ZNF407: variants seen among roughly 807,000 people sequenced by gnomAD.
ZNF407 encodes the protein zinc finger protein 407.
A neutral mutation model predicts 131.2 loss-of-function variants in ZNF407; 17 were observed. That is an observed-to-expected ratio of 0.13 (90% confidence interval 0.09 to 0.19). The LOEUF (loss-of-function observed/expected upper bound fraction) is 0.19, where lower values mean the gene tolerates loss of function less well. ZNF407 is among the 10% of genes least tolerant of loss of function. ZNF407 has a pLI of 1.00. For synonymous variants in ZNF407, 1,156 were observed against 1,062.0 expected (o/e 1.09, Z -1.72); for missense variants, 2,681 against 2,830.6 (o/e 0.95, Z 1.20).
chr18:75,063,323 A>G lies in ZNF407; in HGVS notation c.5602A>G (p.Ile1868Val), dbSNP rs1973661053. 1 of 1,613,426 alleles carries G rather than the reference A, an allele frequency of 6.2e-7. No individual in the cohort carries two copies. Among genetic ancestry groups the G allele is most frequent in the Non-Finnish European group, 8.5e-7 (1 of 1,179,842 alleles). ...CCCTGAGCAGGTGCAGCAGGTCATC[A>G]TCTTCCAGGGCTACGACGGGGAGTT... Reference protein sequence around the residue: ...PPPEQVQQVIIFQGYDGEFAL... With the variant: ...PPPEQVQQVIVFQGYDGEFAL... The change falls in exon 9 of 9, where the codon ATC becomes GTC. Residue 1868 changes from isoleucine (I) to valine (V), a missense_variant. By Grantham distance (29) the Ile-to-Val change is conservative (BLOSUM62 3). Coordinates refer to ENST00000299687, the MANE Select transcript of ZNF407 (RefSeq NM_017757.3). The surrounding 1 kb of genome is among the most constrained non-coding windows in gnomAD (Gnocchi z 6.6).
chr18:74,915,145 G>A (rs1380964427), intron 7 of ZNF407, among the ~76,000 whole-genome samples: 1 of 152,194 alleles, frequency 6.6e-6, no homozygotes, highest in Non-Finnish European at 1.5e-5. Flanking sequence ...GGAGGTCCCA[G>A]GTGGCAGAAG....
chr18:74,803,426 C>T (rs1970055555), intron 4 of ZNF407, among the ~76,000 whole-genome samples: 1 of 152,114 alleles, frequency 6.6e-6, no homozygotes, highest in South Asian at 2.1e-4. Context: ...GAAGAAGGAC[C>T]TGGTTATCAA....
At chr18:74,927,418 A>ATAG (rs1162774602) in intron 8 of ZNF407, among the ~76,000 whole-genome samples, 1 of 152,248 alleles carries the variant, frequency 6.6e-6, no homozygotes, top group Non-Finnish European at 1.5e-5. Context: ...GTAGAATGAT[A>ATAG]TAGTATAATA....
At chr18:74,925,734 A>G (rs1307396809) in intron 8 of ZNF407, among the ~76,000 whole-genome samples, 1 of 152,214 alleles carries the variant, frequency 6.6e-6, no homozygotes, top group African/African-American at 2.4e-5. Context: ...ACAGCTTCTC[A>G]TTGGTTCTCC....
chr18:75,032,734 G>A (rs992651373), intron 8 of ZNF407, among the ~76,000 whole-genome samples: 1 of 150,248 alleles, frequency 6.7e-6, no homozygotes, highest in Non-Finnish European at 1.5e-5. Context: ...CTCGGAATGG[G>A]GGGAAGATAG....
chr18:75,027,988 G>A (rs897660173), intron 8 of ZNF407, among the ~76,000 whole-genome samples: 1 of 152,242 alleles, frequency 6.6e-6, no homozygotes. Context: ...GCACAAGGCA[G>A]TGGTAGCAGA....
intron 1 of ZNF407, among the ~76,000 whole-genome samples, chr18:74,616,537 C>T (rs1450101255): frequency 6.6e-6 from 1 of 151,788 alleles, no homozygotes; most frequent in Non-Finnish European, 1.5e-5. Context: ...CCCACTCCCT[C>T]CACCCCTGTA....
intron 8 of ZNF407, among the ~76,000 whole-genome samples, chr18:75,045,773 A>C (rs902603517): frequency 3.3e-5 from 5 of 152,152 alleles, no homozygotes; most frequent in Admixed American, 1.3e-4. Context: ...GTTTCGTGCT[A>C]TGAGGCTATG....
chr18:75,011,640 T>G (rs552304863), intron 8 of ZNF407, among the ~76,000 whole-genome samples: 2 of 152,280 alleles, frequency 1.3e-5, no homozygotes, highest in East Asian at 3.9e-4. Context: ...TTAATAAATT[T>G]TTGTTGAACA....
At chr18:74,828,245 C>G (rs1001615876) in intron 4 of ZNF407, among the ~76,000 whole-genome samples, 2 of 152,174 alleles carry the variant, frequency 1.3e-5, no homozygotes, top group Non-Finnish European at 2.9e-5. Flanking sequence ...GTAGGCATTC[C>G]TAATTTTCAT....
At chr18:74,712,246 C>T (rs1246186242) in intron 3 of ZNF407, among the ~76,000 whole-genome samples, 2 of 152,076 alleles carry the variant, frequency 1.3e-5, no homozygotes, top group Non-Finnish European at 2.9e-5. Flanking sequence ...CATGTCCTAG[C>T]GCCTATGTCT....
intron 8 of ZNF407, among the ~76,000 whole-genome samples, chr18:75,012,346 T>C (rs535831536): frequency 1.8e-4 from 19 of 105,772 alleles, no homozygotes; most frequent in African/African-American, 5.1e-4. Flanking sequence ...ACATAGTGTA[T>C]GTACACATAG....
chr18:75,064,266 A>T lies in ZNF407; in HGVS notation c.6545A>T (p.Glu2182Val), dbSNP rs1353916551. Residue 2182 changes from glutamate to valine, a missense_variant, in exon 9 of 9, where the codon GAG becomes GTG. Around this residue, in one of 6 missense-constraint regions of ZNF407, gnomAD observed 620 missense variants for 583.1 expected, o/e 1.06. Transcript: ENST00000299687. The stretch of plus-strand genomic sequence containing the variant: ...GAGCTGCCCCCAGGGGTGCAGGACG[A>T]GCCGGGCCTGTACTCCCACACCGTG... ...LTELPPGVQD[E>V]PGLYSHTVLE... The T allele has an allele frequency of 1.2e-6, 2 of 1,605,128 alleles. No homozygotes were observed. Among genetic ancestry groups the T allele is most frequent in the African/African-American group, 1.3e-5 (1 of 74,822 alleles).
At chr18:74,692,508 T>A (rs1044037796) in intron 3 of ZNF407, among the ~76,000 whole-genome samples, 1 of 151,906 alleles carries the variant, frequency 6.6e-6, no homozygotes, top group African/African-American at 2.4e-5. Flanking sequence ...GTAGGCCCTC[T>A]CAGGAAGGCC....
At chr18:74,738,422 G>GAA (rs10602546) in intron 3 of ZNF407, among the ~76,000 whole-genome samples, 3 of 65,724 alleles carry the variant, frequency 4.6e-5, no homozygotes, top group Non-Finnish European at 7.7e-5. Context: ...TCTGTCTCAA[G>GAA]AAAAAAAAAA....
intron 8 of ZNF407, among the ~76,000 whole-genome samples, chr18:74,970,266 C>G (rs1435629280): frequency 6.6e-6 from 1 of 152,058 alleles, no homozygotes; most frequent in Non-Finnish European, 1.5e-5. Flanking sequence ...CATTCCTCCC[C>G]TGGGCCCTCC....
rs530923592 is a variant in ZNF407, at chr18:74,949,205, T to C, written c.5428+28513T>C. ...ATTTGAAATAAATATTTATAATGAA[T>C]GGTTGGAAATTTGTAAAAAGTAGAG... On this transcript the variant is annotated intron_variant, in intron 8 of 8. Transcript: ENST00000299687. Among the ~76,000 whole-genome samples the C allele has an allele frequency of 2.0e-3, 301 of 152,308 alleles. 1 individual carries two copies. Among genetic ancestry groups the C allele is most frequent in the Non-Finnish European group, 3.4e-3 (232 of 68,030 alleles).
chr18:74,873,689 T>C (rs1038014097), intron 4 of ZNF407, among the ~76,000 whole-genome samples: 5 of 151,580 alleles, frequency 3.3e-5, no homozygotes, highest in Non-Finnish European at 7.4e-5. Context: ...CCAGCCTAGG[T>C]GACAGGGTAA....
At chr18:74,692,115 G>A (rs552732793) in intron 3 of ZNF407, among the ~76,000 whole-genome samples, 5 of 151,746 alleles carry the variant, frequency 3.3e-5, no homozygotes, top group East Asian at 1.9e-4. Context: ...AAATGTGTGC[G>A]TGTGTGGGTG....
Sources: allele counts gnomAD v4.1 joint callset (sites outside exome capture counted in the v4.1 genomes callset), GRCh38; gene constraint gnomAD v4.1.1; regional missense constraint gnomAD v4.1.1; non-coding constraint Gnocchi (gnomAD v3.1); transcripts MANE v1.5; gene names NCBI Gene and HGNC (gene_info 2026-07-23, HGNC 2026-07-21).